Variants in ZNF124 observed in about 807,000 individuals in gnomAD.
The protein encoded by ZNF124 is zinc finger protein HZF-16.
ZNF124 carries 25 observed loss-of-function variants against 26.6 expected under a neutral mutation model. The ratio of observed to expected loss-of-function variants is 0.94; its 90% CI spans 0.68 to 1.31. The LOEUF is 1.31. Among genes scored for constraint, ZNF124 ranks in the 40% most tolerant of loss-of-function variants. The pLI is 0.00. For missense variants in ZNF124, 444 were observed against 422.2 expected (o/e 1.05, Z -0.45); for synonymous variants, 129 against 133.3 (o/e 0.97, Z 0.22).
chr1:247,138,844 A>G (rs1011877739), intron 3 of ZNF124: 2 of 398,028 alleles, frequency 5.0e-6, no homozygotes, highest in Admixed American at 4.4e-5. Flanking sequence ...GGAAATGTCA[A>G]GCTGGGAACT....
In ZNF124 at chr1:247,159,976, G is replaced by GTTTTTT. The variant is rs779659255; in HGVS notation, c.31-164_31-163insAAAAAA. ...TACACTTCCTTTCTCCCACATAGCA[G>GTTTTTT]TTCTTTTTTTTTTTTTTTTTTTTTT... On this transcript the variant is annotated intron_variant, in intron 1 of 3. Coordinates refer to ENST00000543802, the MANE Select transcript of ZNF124 (RefSeq NM_001297568.2). The GTTTTTT allele has an allele frequency of 2.0e-4, 49 of 247,154 alleles. 2 individuals are homozygous for GTTTTTT. Among genetic ancestry groups the GTTTTTT allele is most frequent in the African/African-American group, 4.4e-4 (15 of 34,318 alleles). The allele number at this position is 247,154 out of a possible 1,614,324, so 15.3% of individuals were successfully genotyped here. A position where few individuals can be genotyped will look rare whatever the true frequency, so the allele number is the denominator to read the frequency against.
chr1:247,134,515 C>G (rs546742698), intron 3 of ZNF124, among the ~76,000 whole-genome samples: 5 of 152,102 alleles, frequency 3.3e-5, no homozygotes, highest in Non-Finnish European at 5.9e-5. Context: ...AAAAAGGGCA[C>G]TGCATAATGG....
At chr1:247,131,943 G>A (rs1055359281) in intron 3 of ZNF124, among the ~76,000 whole-genome samples, 2 of 152,172 alleles carry the variant, frequency 1.3e-5, no homozygotes, top group South Asian at 2.1e-4. Flanking sequence ...TTCATTAAAC[G>A]GGTCCTTTTC....
downstream of ZNF124, among the ~76,000 whole-genome samples, chr1:247,151,622 G>T (rs980899353): frequency 6.6e-6 from 1 of 152,126 alleles, no homozygotes; most frequent in Non-Finnish European, 1.5e-5. Context: ...CTGAAGAGAC[G>T]TAAACATACA....
chr1:247,123,471 AG>A (rs1672130470), exon 4 of ZNF124: 1 of 163,892 alleles, frequency 6.1e-6, no homozygotes, highest in Admixed American at 6.3e-5. Flanking sequence ...CTGGGATTAC[AG>A]GCGTGAGCCA....
At chr1:247,164,700 CA>C (rs1673679956) in intron 1 of ZNF124, among the ~76,000 whole-genome samples, 1 of 152,104 alleles carries the variant, frequency 6.6e-6, no homozygotes, top group African/African-American at 2.4e-5. Flanking sequence ...CTACCCAAAG[CA>C]ATTTAGATTC....
chr1:247,169,025 A>T (rs1470661347), intron 1 of ZNF124, among the ~76,000 whole-genome samples: 1 of 151,770 alleles, frequency 6.6e-6, no homozygotes, highest in Non-Finnish European at 1.5e-5. Flanking sequence ...TAAAAAACTA[A>T]ATATATATAT....
chr1:247,160,149 C>G (rs539825581), intron 1 of ZNF124, among the ~76,000 whole-genome samples: 1 of 152,118 alleles, frequency 6.6e-6, no homozygotes, highest in Non-Finnish European at 1.5e-5. Context: ...CCACGCCCAG[C>G]TAATTTTTGT....
chr1:247,153,556 G>T (rs971559189), downstream of ZNF124, among the ~76,000 whole-genome samples: 1 of 152,172 alleles, frequency 6.6e-6, no homozygotes, highest in African/African-American at 2.4e-5. Flanking sequence ...CTTTCTTGCT[G>T]TAACAATTGC....
At chr1:247,157,984 T>G (rs1014266685) in intron 3 of ZNF124, among the ~76,000 whole-genome samples, 7 of 150,084 alleles carry the variant, frequency 4.7e-5, no homozygotes, top group African/African-American at 1.7e-4. Flanking sequence ...GCATGGTGGC[T>G]CACGCCTGTA....
chr1:247,122,939 C>T (rs1212407347), exon 4 of ZNF124: 1 of 152,206 alleles, frequency 6.6e-6, no homozygotes, highest in Non-Finnish European at 1.5e-5. Context: ...AAAGCAATGG[C>T]TTCCAACCTA....
At chr1:247,133,820 G>C (rs1468017169) in intron 3 of ZNF124, among the ~76,000 whole-genome samples, 1 of 151,786 alleles carries the variant, frequency 6.6e-6, no homozygotes, top group Admixed American at 6.6e-5. Flanking sequence ...TGCCCGGCAA[G>C]TTTTTTGTGT....
chr1:247,159,855 A>C, intron 1 of ZNF124, 42 bp from the exon 2 acceptor site: 3 of 1,576,402 alleles, frequency 1.9e-6, no homozygotes, highest in Non-Finnish European at 2.6e-6. Context: ...ATGAGACTGA[A>C]AGCACTGGAA....
At chr1:247,151,198 G>A (rs779820193), downstream of ZNF124, among the ~76,000 whole-genome samples, 12 of 152,094 alleles carry the variant, frequency 7.9e-5, no homozygotes, top group Non-Finnish European at 1.6e-4. Flanking sequence ...CCATGTGTTG[G>A]GCTGGGCGCG....
At chr1:247,131,008 G>A (rs1672344961) in intron 3 of ZNF124, among the ~76,000 whole-genome samples, 1 of 152,178 alleles carries the variant, frequency 6.6e-6, no homozygotes, top group Non-Finnish European at 1.5e-5. Flanking sequence ...CCCAGGAGGT[G>A]GAGATTGCAG....
chr1:247,163,471 T>TA (rs564852380), intron 1 of ZNF124, among the ~76,000 whole-genome samples: 17,592 of 133,260 alleles, frequency 0.13, 1,377 homozygotes, highest in African/African-American at 0.22. Context: ...TCACAGAAAC[T>TA]AAAAAAAAAA....
Position 247,146,315 on chromosome 1 carries a change from G to T in ZNF124, c.218+12691C>A, listed in dbSNP as rs578068673. Reference sequence around the variant, plus strand: ...CGATTTTCCCTTTAGAACTATTTCTGTGCCAGTCCAATTTCCTTCTAGAAT... The same window carrying T: ...CGATTTTCCCTTTAGAACTATTTCTTTGCCAGTCCAATTTCCTTCTAGAAT... On this transcript the variant is annotated intron_variant, in intron 3 of 3. Coordinates refer to the ZNF124 transcript ENST00000472531. Among the ~76,000 whole-genome samples the T allele has an allele frequency of 1.6e-4, 25 of 152,334 alleles. No homozygotes were observed. In the South Asian group the frequency reaches 4.8e-3, roughly 29 times the overall value.
Position 247,149,435 on chromosome 1 carries a change from C to T in ZNF124, c.218+9571G>A, listed in dbSNP as rs189707876. 1.8e-3 allele frequency among the ~76,000 whole-genome samples: 281 copies of T among 152,146 alleles called. 2 individuals are homozygous for T. The highest frequency in any genetic ancestry group is 2.8e-3 in the Admixed American group (43 of 15,282). ...GCATTTTCCACAATAGCCAAAGACA[C>T]GGAAACAACCTAAATGCTCATTAAT... is the stretch of plus-strand genomic sequence containing the variant. On this transcript the variant is annotated intron_variant, in intron 3 of 3. Transcript: ENST00000472531.
At chr1:247,137,502 A>G (rs1164042134) in intron 3 of ZNF124, among the ~76,000 whole-genome samples, 2 of 149,012 alleles carry the variant, frequency 1.3e-5, no homozygotes, top group South Asian at 2.1e-4. Flanking sequence ...AAAAAAAAAA[A>G]AAAAAAAAGA....
Sources: allele counts gnomAD v4.1 joint callset (sites outside exome capture counted in the v4.1 genomes callset), GRCh38; gene constraint gnomAD v4.1.1; transcripts MANE v1.5; gene names NCBI Gene and HGNC (gene_info 2026-07-23, HGNC 2026-07-21).